TGFBR1: variants seen among roughly 807,000 people sequenced by gnomAD.
TGFBR1 encodes TGF-beta receptor type-1.
Under a neutral mutation model 55.1 loss-of-function variants are expected in TGFBR1, and 20 were observed. The ratio of observed to expected loss-of-function variants is 0.36; its 90% CI spans 0.26 to 0.53. TGFBR1 has a LOEUF of 0.53. TGFBR1 is among the 20% of genes least tolerant of loss of function. The pLI is 0.91. For synonymous variants in TGFBR1, 220 were observed against 214.8 expected (o/e 1.02, Z -0.21); for missense variants, 385 against 617.6 (o/e 0.62, Z 3.99).
chr9:99,117,009 G>T (rs1826765261), intron 1 of TGFBR1, among the ~76,000 whole-genome samples: 1 of 152,150 alleles, frequency 6.6e-6, no homozygotes, highest in African/African-American at 2.4e-5. Flanking sequence ...GTCCTTGCTT[G>T]GTTCAATTCA....
chr9:99,108,975 CA>C (rs1826489211), intron 1 of TGFBR1, among the ~76,000 whole-genome samples: 1 of 152,140 alleles, frequency 6.6e-6, no homozygotes, highest in African/African-American at 2.4e-5. Context: ...TAGGGTGGCA[CA>C]GGGGCAGAAC....
chr9:99,146,359 GTC>G (rs1827795229), intron 6 of TGFBR1, 124 bp from the exon 7 acceptor site: 1 of 1,142,972 alleles, frequency 8.7e-7, no homozygotes, highest in Admixed American at 1.8e-5. Flanking sequence ...TTTTTCTTGA[GTC>G]TAATATTTGT....
chr9:99,139,620 G>T (rs765520903), intron 4 of TGFBR1, among the ~76,000 whole-genome samples: 1 of 152,124 alleles, frequency 6.6e-6, no homozygotes, highest in Non-Finnish European at 1.5e-5. Flanking sequence ...AATGTAATTT[G>T]TATCTTCAAA....
At chr9:99,144,950 A>G (rs1302352635) in intron 6 of TGFBR1, 62 bp downstream of exon 6, 6 of 1,558,360 alleles carry the variant, frequency 3.9e-6, no homozygotes, top group East Asian at 2.3e-5. Context: ...CTTCTCTTTC[A>G]TATATACATA....
intron 8 of TGFBR1, 60 bp from the exon 9 acceptor site, chr9:99,149,120 T>G: frequency 6.5e-7 from 1 of 1,534,848 alleles, no homozygotes; most frequent in South Asian, 1.2e-5. Context: ...GTAAAAATTC[T>G]TATCCAGACC....
intron 1 of TGFBR1, among the ~76,000 whole-genome samples, chr9:99,122,641 C>G (rs963502215): frequency 3.3e-5 from 5 of 152,152 alleles, no homozygotes; most frequent in African/African-American, 1.2e-4. Context: ...ATGCTAACAT[C>G]TGCAAACTTT....
At chr9:99,136,132 G>A (rs972176977) in intron 3 of TGFBR1, among the ~76,000 whole-genome samples, 2 of 152,138 alleles carry the variant, frequency 1.3e-5, no homozygotes, top group African/African-American at 4.8e-5. Flanking sequence ...TGGGATTAGA[G>A]GTGTGAGTCA....
intron 6 of TGFBR1, among the ~76,000 whole-genome samples, chr9:99,145,195 T>G (rs1031124769): frequency 6.6e-6 from 1 of 152,240 alleles, no homozygotes; most frequent in African/African-American, 2.4e-5. Context: ...TTACGTATAT[T>G]ACCTCATTTA....
chr9:99,139,450 T>C (rs1302091711), intron 4 of TGFBR1, among the ~76,000 whole-genome samples: 1 of 152,220 alleles, frequency 6.6e-6, no homozygotes, highest in Non-Finnish European at 1.5e-5. Flanking sequence ...TTCCAATATG[T>C]AGAAAAGCAG....
intron 6 of TGFBR1, among the ~76,000 whole-genome samples, chr9:99,145,255 C>T (rs1827755861): frequency 6.6e-6 from 1 of 152,204 alleles, no homozygotes; most frequent in Non-Finnish European, 1.5e-5. Flanking sequence ...TTTCATATTT[C>T]AGTTCCTAAA....
At chr9:99,116,422 T>G (rs765789409) in intron 1 of TGFBR1, among the ~76,000 whole-genome samples, 7 of 152,118 alleles carry the variant, frequency 4.6e-5, no homozygotes, top group Non-Finnish European at 1.0e-4. Context: ...CCCTAAGCAA[T>G]TGGGTGCTTC....
At chr9:99,117,569 CGGA>C (rs1033852868) in intron 1 of TGFBR1, among the ~76,000 whole-genome samples, 19 of 152,096 alleles carry the variant, frequency 1.2e-4, no homozygotes, top group African/African-American at 4.6e-4. Flanking sequence ...TTTTAAAATA[CGGA>C]TATCTGGTTG....
chr9:99,118,761 C>G (rs538249895), intron 1 of TGFBR1, among the ~76,000 whole-genome samples: 1 of 151,610 alleles, frequency 6.6e-6, no homozygotes, highest in South Asian at 2.1e-4. Flanking sequence ...ATCCTTGTGC[C>G]CCAGCCTCCC....
intron 5 of TGFBR1, 78 bp from the exon 6 acceptor site, chr9:99,144,652 AAG>A (rs1827733616): frequency 1.9e-6 from 3 of 1,561,790 alleles, no homozygotes; most frequent in African/African-American, 2.7e-5. Context: ...GGGTTGGGAG[AAG>A]AGACTTTTGA....
intron 1 of TGFBR1, among the ~76,000 whole-genome samples, chr9:99,111,707 A>G (rs954324172): frequency 6.6e-5 from 10 of 152,334 alleles, no homozygotes; most frequent in African/African-American, 2.4e-4. Context: ...AAAGCTAATA[A>G]AAGTGTTTAA....
In TGFBR1 at chr9:99,135,877, C is replaced by T. The variant is rs1365463810; in HGVS notation, c.575-1982C>T. 1.7e-4 allele frequency among the ~76,000 whole-genome samples: 22 copies of T among 126,624 alleles called. No individual in the cohort carries two copies. In the South Asian group the frequency reaches 3.4e-3, roughly 20 times the overall value. The allele number at this position is 126,624 out of a possible 152,430, so 83.1% of individuals were successfully genotyped here. ...CTTTTTTTTTTTTTTTTTTTGGAGA[C>T]GGAGTTTCACTCTGTTGCCCAGGCT... On this transcript the variant is annotated intron_variant, in intron 3 of 8. Coordinates refer to ENST00000374994, the MANE Select transcript of TGFBR1 (RefSeq NM_004612.4).
In TGFBR1 at chr9:99,150,655, T is replaced by A; in HGVS notation, c.*1350T>A. The A allele has an allele frequency of 4.7e-6, 1 of 212,068 alleles. No homozygotes were observed. Among genetic ancestry groups the A allele is most frequent in the Non-Finnish European group, 9.6e-6 (1 of 104,308 alleles). The allele number at this position is 212,068 out of a possible 1,614,324, so 13.1% of individuals were successfully genotyped here. ...GAGGAAGGCAGCTTTTAATTCAGTGTTTCCTTATGTGTGCGTACATTGCAA... is the reference window on the plus strand; with the variant it reads ...GAGGAAGGCAGCTTTTAATTCAGTGATTCCTTATGTGTGCGTACATTGCAA... On this transcript the variant is annotated 3_prime_UTR_variant, in exon 9 of 9. Coordinates refer to ENST00000374994, the MANE Select transcript of TGFBR1 (RefSeq NM_004612.4).
chr9:99,134,905 C>T (rs1035677609), intron 3 of TGFBR1, among the ~76,000 whole-genome samples: 1 of 143,948 alleles, frequency 6.9e-6, no homozygotes, highest in Non-Finnish European at 1.5e-5. Flanking sequence ...GCTTCTCTCC[C>T]TCCTTTGATG....
At position 99,115,850 on chromosome 9, in the gene TGFBR1, A is replaced by T. The variant is rs1210800902; in HGVS notation, c.97+10548A>T. 2.6e-5 allele frequency among the ~76,000 whole-genome samples: 4 copies of T among 152,160 alleles called. No homozygotes were observed. The East Asian group carries it at 7.7e-4, about 29-fold the overall frequency. On this transcript the variant is annotated intron_variant, in intron 1 of 8. Coordinates refer to ENST00000374994, the MANE Select transcript of TGFBR1 (RefSeq NM_004612.4). ...TTTATCAAAATAAACAAGTTAAAGT[A>T]GTTTTAGTTATTTTGTCTCATTTTA...
Sources: gnomAD v4.1 joint callset for allele counts (sites outside exome capture counted in the v4.1 genomes callset) on GRCh38, gnomAD v4.1.1 for gene constraint, MANE v1.5 for transcripts, NCBI Gene and HGNC (gene_info 2026-07-23, HGNC 2026-07-21) for gene names.